THSD4: variants seen among roughly 807,000 people sequenced by gnomAD.
The protein encoded by THSD4 is thrombospondin type-1 domain-containing protein 4.
A neutral mutation model predicts 119.0 loss-of-function variants in THSD4; 69 were observed. The ratio of observed to expected loss-of-function variants is 0.58; its 90% confidence interval spans 0.48 to 0.71. THSD4 has a LOEUF of 0.71. THSD4 is among the 30% of genes least tolerant of loss of function. The pLI is 0.00. For synonymous variants in THSD4, 524 were observed against 540.4 expected (o/e 0.97, Z 0.42); for missense variants, 1,393 against 1,391.1 (o/e 1.00, Z -0.02).
chr15:71,447,226 T>A (rs1224925971), intron 7 of THSD4, among the ~76,000 whole-genome samples: 2 of 146,800 alleles, frequency 1.4e-5, no homozygotes, highest in African/African-American at 2.5e-5. Flanking sequence ...GTTCAAGGAA[T>A]TCTCCTGCCT....
At chr15:71,711,933 C>G (rs1244704856) in intron 8 of THSD4, among the ~76,000 whole-genome samples, 3 of 152,120 alleles carry the variant, frequency 2.0e-5, no homozygotes, top group Non-Finnish European at 2.9e-5. Context: ...TGAAAGGAGA[C>G]ATAGACAGAT....
At chr15:71,649,994 C>G (rs1045527633) in intron 7 of THSD4, among the ~76,000 whole-genome samples, 10 of 152,300 alleles carry the variant, frequency 6.6e-5, no homozygotes, top group Admixed American at 6.5e-4. Flanking sequence ...CAGAGACCTT[C>G]TGGTAGTTGG....
chr15:71,595,491 A>G (rs1321572584), intron 7 of THSD4, among the ~76,000 whole-genome samples: 2 of 152,178 alleles, frequency 1.3e-5, no homozygotes, highest in East Asian at 1.9e-4. Flanking sequence ...GCCTCCTGCC[A>G]TGATTCGGAG....
At chr15:71,513,326 C>A (rs879287414) in intron 7 of THSD4, among the ~76,000 whole-genome samples, 1 of 152,170 alleles carries the variant, frequency 6.6e-6, no homozygotes, top group Non-Finnish European at 1.5e-5. Flanking sequence ...TAATTGGCTC[C>A]TCACCCTGTT....
At chr15:71,300,055 G>A (rs2140336361) in intron 6 of THSD4, among the ~76,000 whole-genome samples, 1 of 150,234 alleles carries the variant, frequency 6.7e-6, no homozygotes, top group Non-Finnish European at 1.5e-5. Context: ...GGAGGCTGAG[G>A]TGGGAGAACT....
At chr15:71,638,335 C>G (rs766440626) in intron 7 of THSD4, among the ~76,000 whole-genome samples, 17 of 152,310 alleles carry the variant, frequency 1.1e-4, no homozygotes, top group Non-Finnish European at 2.2e-4. Flanking sequence ...TGGCTTCACT[C>G]TGACTTGTGT....
chr15:71,637,212 C>A (rs1041725974), intron 7 of THSD4, among the ~76,000 whole-genome samples: 1 of 152,140 alleles, frequency 6.6e-6, no homozygotes, highest in East Asian at 1.9e-4. Flanking sequence ...TATTTTTCAC[C>A]GTTGTTTACA....
chr15:71,422,534 T>G (rs77494339), intron 7 of THSD4, among the ~76,000 whole-genome samples: 2,982 of 152,274 alleles, frequency 0.02, 95 homozygotes, highest in East Asian at 0.11. Context: ...TACTTTCTCC[T>G]ACAAGAATGG....
intron 7 of THSD4, among the ~76,000 whole-genome samples, chr15:71,430,891 G>A (rs1465317593): frequency 2.0e-5 from 3 of 151,806 alleles, no homozygotes; most frequent in Non-Finnish European, 4.4e-5. Flanking sequence ...GTCAGCCTCC[G>A]TTCTGTAAAG....
At chr15:71,691,435 C>T (rs1566573) in intron 8 of THSD4, among the ~76,000 whole-genome samples, 88,487 of 152,084 alleles carry the variant, frequency 0.58, 28,435 homozygotes, top group Non-Finnish European at 0.73. Flanking sequence ...CATGCCTGTT[C>T]AGGTGTTAGC....
intron 7 of THSD4, among the ~76,000 whole-genome samples, chr15:71,427,169 A>G (rs7165894): frequency 0.63 from 95,448 of 151,794 alleles, 30,358 homozygotes; most frequent in Middle Eastern, 0.74. Context: ...CTTTATATAT[A>G]TTAAATAATT....
intron 4 of THSD4, among the ~76,000 whole-genome samples, chr15:71,234,756 C>T (rs569913044): frequency 3.0e-4 from 46 of 152,324 alleles, no homozygotes; most frequent in African/African-American, 1.1e-3. Context: ...AAACCTTTTC[C>T]CTCCTCATAC....
chr15:71,215,808 T>G (rs1007740342), intron 4 of THSD4, among the ~76,000 whole-genome samples: 2 of 152,236 alleles, frequency 1.3e-5, no homozygotes, highest in Non-Finnish European at 2.9e-5. Context: ...GGAAAGCTGA[T>G]ATGAGTTGCC....
At chr15:71,529,710 G>A (rs985134242) in intron 7 of THSD4, among the ~76,000 whole-genome samples, 39 of 152,224 alleles carry the variant, frequency 2.6e-4, no homozygotes, top group Admixed American at 2.0e-3. Flanking sequence ...TTTGTCTAAC[G>A]TATCCTATAT....
chr15:71,124,465 T>G (rs1288709530), intron 1 of THSD4, among the ~76,000 whole-genome samples: 1 of 152,204 alleles, frequency 6.6e-6, no homozygotes, highest in African/African-American at 2.4e-5. Flanking sequence ...GAAAATTGTT[T>G]TAAATTGTAG....
At chr15:71,307,326 T>C (rs1327603456) in intron 6 of THSD4, among the ~76,000 whole-genome samples, 2 of 152,198 alleles carry the variant, frequency 1.3e-5, no homozygotes, top group Non-Finnish European at 2.9e-5. Context: ...TGTAACTTGG[T>C]ATTATACCCA....
At chr15:71,726,677 C>T (rs1016210524) in intron 8 of THSD4, among the ~76,000 whole-genome samples, 1 of 152,196 alleles carries the variant, frequency 6.6e-6, no homozygotes, top group East Asian at 1.9e-4. Context: ...GTGGCTCACG[C>T]CTGTAATCCC....
chr15:71,326,937 G>T (rs895681910), intron 6 of THSD4, among the ~76,000 whole-genome samples: 1 of 151,188 alleles, frequency 6.6e-6, no homozygotes, highest in African/African-American at 2.4e-5. Context: ...GGAGGCCGAG[G>T]TGGGTGGGTC....
At chr15:71,382,466 G>A (rs1036965250) in intron 6 of THSD4, among the ~76,000 whole-genome samples, 1 of 151,780 alleles carries the variant, frequency 6.6e-6, no homozygotes, top group Non-Finnish European at 1.5e-5. Flanking sequence ...TTTATAATAC[G>A]CATCTTCCAC....
Sources: allele counts gnomAD v4.1 joint callset (sites outside exome capture counted in the v4.1 genomes callset), GRCh38; gene constraint gnomAD v4.1.1; transcripts MANE v1.5; gene names NCBI Gene and HGNC (gene_info 2026-07-23, HGNC 2026-07-21).